KCNH8: variants seen among roughly 807,000 people sequenced by gnomAD.
KCNH8 encodes the protein voltage-gated delayed rectifier potassium channel KCNH8.
A neutral mutation model predicts 103.6 loss-of-function variants in KCNH8; 70 were observed. The ratio of observed to expected loss-of-function variants is 0.68; its 90% CI spans 0.56 to 0.82. KCNH8 has a LOEUF of 0.82. Ranked by LOEUF, KCNH8 falls within the 40% of genes least tolerant of loss-of-function variation. KCNH8 has a pLI of 0.00. For synonymous variants in KCNH8, 498 were observed against 489.4 expected, an observed-to-expected ratio of 1.02 and a Z score of -0.23; for missense variants, 1,217 against 1,329.9, an observed-to-expected ratio of 0.92 and a Z score of 1.32.
chr3:19,463,641 GGTGGA>G (rs1327073320), intron 11 of KCNH8, among the ~76,000 whole-genome samples: 3 of 152,116 alleles, frequency 2.0e-5, no homozygotes, highest in Non-Finnish European at 4.4e-5. Context: ...TGCAGTTATT[GGTGGA>G]GAATATAGTC....
chr3:19,413,298 A>G (rs1223707299), intron 7 of KCNH8, among the ~76,000 whole-genome samples: 1 of 151,956 alleles, frequency 6.6e-6, no homozygotes, highest in Non-Finnish European at 1.5e-5. Context: ...ACCAAATACT[A>G]CATGTTCTCA....
intron 11 of KCNH8, among the ~76,000 whole-genome samples, chr3:19,473,143 C>A (rs771619273): frequency 6.6e-6 from 1 of 152,172 alleles, no homozygotes; most frequent in Non-Finnish European, 1.5e-5. Context: ...TGGTCTTCTG[C>A]ATACAAGCCT....
At chr3:19,450,505 G>A (rs1056269679) in intron 9 of KCNH8, 200 bp downstream of exon 9, 16 of 575,862 alleles carry the variant, frequency 2.8e-5, no homozygotes, top group African/African-American at 5.6e-5. Flanking sequence ...TGGATTGACC[G>A]AAGTTTTATA....
intron 1 of KCNH8, among the ~76,000 whole-genome samples, chr3:19,235,873 A>G (rs1183420465): frequency 6.6e-6 from 1 of 152,236 alleles, no homozygotes; most frequent in Non-Finnish European, 1.5e-5. Context: ...AGGAAAACTG[A>G]CTTTCAGCAT....
rs1047871225 is a variant in KCNH8, at chr3:19,518,044, C to G, written c.2589C>G (p.Thr863=). Residue 863 remains threonine, a synonymous_variant, in exon 15 of 16, where the codon ACC becomes ACG. Coordinates refer to ENST00000328405, the MANE Select transcript of KCNH8 (RefSeq NM_144633.3). ...AAVLFIKAEE[T]KQQINKLNSE... ...TTCTCTTCATCAAAGCAGAGGAGACCAAGCAGCAGATAAACAAACTCAACA... is the reference window on the plus strand; with the variant it reads ...TTCTCTTCATCAAAGCAGAGGAGACGAAGCAGCAGATAAACAAACTCAACA... 1 of 1,612,122 alleles carries G rather than the reference C, an allele frequency of 6.2e-7. No individual in the cohort carries two copies. Among genetic ancestry groups the G allele is most frequent in the Admixed American group, 1.7e-5 (1 of 59,806 alleles).
At chr3:19,314,155 GTTTA>G (rs1002102910) in intron 3 of KCNH8, among the ~76,000 whole-genome samples, 1 of 151,804 alleles carries the variant, frequency 6.6e-6, no homozygotes, top group Non-Finnish European at 1.5e-5. Context: ...TAGAAAAATT[GTTTA>G]TTTATATTTT....
chr3:19,532,860 T>C (rs1369512457), intron 15 of KCNH8, among the ~76,000 whole-genome samples: 3 of 152,184 alleles, frequency 2.0e-5, no homozygotes, highest in African/African-American at 4.8e-5. Context: ...ATGCTTAACC[T>C]ACCCATTCAC....
chr3:19,376,046 C>G (rs1262313083), intron 5 of KCNH8, among the ~76,000 whole-genome samples: 3 of 151,766 alleles, frequency 2.0e-5, no homozygotes, highest in East Asian at 1.9e-4. Flanking sequence ...TTACTGCTGT[C>G]TTTTTGTTTG....
intron 1 of KCNH8, among the ~76,000 whole-genome samples, chr3:19,150,766 A>G (rs545665205): frequency 6.6e-6 from 1 of 152,192 alleles, no homozygotes; most frequent in Admixed American, 6.5e-5. Flanking sequence ...ACCTGTATTT[A>G]GTATAGTAAG....
At chr3:19,314,711 G>T (rs79275824) in intron 3 of KCNH8, 1,921 of 154,104 alleles carry the variant, frequency 0.012, 40 homozygotes, top group African/African-American at 0.043. Context: ...TGCTGAAACA[G>T]GTGGCCCATT....
chr3:19,418,250 T>C (rs889025644), intron 7 of KCNH8, among the ~76,000 whole-genome samples: 1 of 152,206 alleles, frequency 6.6e-6, no homozygotes, highest in Non-Finnish European at 1.5e-5. Flanking sequence ...AGCAGAAATT[T>C]AATGAATAGC....
chr3:19,485,499 A>G (rs375041499), intron 11 of KCNH8, among the ~76,000 whole-genome samples: 1 of 152,210 alleles, frequency 6.6e-6, no homozygotes. Context: ...CAACTTTTTA[A>G]GTGACTCTTG....
chr3:19,399,507 G>A (rs1378094670), intron 7 of KCNH8, among the ~76,000 whole-genome samples: 1 of 151,968 alleles, frequency 6.6e-6, no homozygotes, highest in African/African-American at 2.4e-5. Flanking sequence ...CTTCAGGAAT[G>A]TGATTTTGAA....
At chr3:19,229,134 T>G (rs1237081273) in intron 1 of KCNH8, among the ~76,000 whole-genome samples, 1 of 152,224 alleles carries the variant, frequency 6.6e-6, no homozygotes, top group Non-Finnish European at 1.5e-5. Context: ...ATTATTTGAC[T>G]TTATTACTTC....
intron 11 of KCNH8, among the ~76,000 whole-genome samples, chr3:19,471,695 T>A (rs1051481019): frequency 1.3e-5 from 2 of 152,218 alleles, no homozygotes; most frequent in African/African-American, 4.8e-5. Context: ...TCCAGAATCC[T>A]TTAGCAAGTA....
chr3:19,389,985 T>G (rs1283628815), intron 5 of KCNH8, among the ~76,000 whole-genome samples: 1 of 152,050 alleles, frequency 6.6e-6, no homozygotes, highest in Non-Finnish European at 1.5e-5. Context: ...CTTGGATGAA[T>G]TACTTTTTCT....
intron 1 of KCNH8, among the ~76,000 whole-genome samples, chr3:19,176,602 A>G (rs566545880): frequency 6.6e-6 from 1 of 152,286 alleles, no homozygotes; most frequent in African/African-American, 2.4e-5. Flanking sequence ...CTGAGAATAT[A>G]TACTCAGTTT....
At position 19,486,553 on chromosome 3, in the gene KCNH8, C is replaced by A. The variant is rs140633883; in HGVS notation, c.2041-23810C>A. On this transcript the variant is annotated intron_variant, in intron 11 of 15. Coordinates refer to ENST00000328405, the MANE Select transcript of KCNH8 (RefSeq NM_144633.3). ...GATAGGCCACTGGTCTTGGCCAGGG[C>A]CCCACAGTCGGTTAAAACTGTAACT... Among the ~76,000 whole-genome samples the A allele has an allele frequency of 1.8e-3, 276 of 152,264 alleles. 1 individual carries two copies. The highest frequency in any genetic ancestry group is 6.1e-3 in the African/African-American group (252 of 41,550).
chr3:19,160,099 T>C (rs544612863), intron 1 of KCNH8, among the ~76,000 whole-genome samples: 1 of 152,256 alleles, frequency 6.6e-6, no homozygotes, highest in South Asian at 2.1e-4. Context: ...TTTACATTTG[T>C]CATGGGTGCC....
Sources: gnomAD v4.1 joint callset for allele counts (sites outside exome capture counted in the v4.1 genomes callset) on GRCh38, gnomAD v4.1.1 for gene constraint, MANE v1.5 for transcripts, NCBI Gene and HGNC (gene_info 2026-07-23, HGNC 2026-07-21) for gene names.